Variants in ZNF565 observed in about 807,000 individuals in gnomAD.
ZNF565 encodes the protein zinc finger protein 565.
In ZNF565, 27 loss-of-function variants were observed where a neutral mutation model predicts 39.4. That is an observed-to-expected ratio of 0.69 (90% confidence interval 0.51 to 0.95). The LOEUF is 0.95. ZNF565 is among the 40% of genes least tolerant of loss of function. The pLI is 0.00. For synonymous variants in ZNF565, 185 were observed against 216.6 expected (o/e 0.85, Z 1.28); for missense variants, 524 against 621.1 (o/e 0.84, Z 1.66).
At position 36,228,817 on chromosome 19, in the gene ZNF565, C is replaced by T. The variant is rs117032967; in HGVS notation, c.55+16659G>A. The stretch of plus-strand genomic sequence containing the variant: ...GAGAAAGAAGTGGGAAGGATCTGCG[C>T]GGGTGAGTAAATGACAGGCAGGCCA... On this transcript the variant is annotated intron_variant, in intron 1 of 4. Coordinates refer to the ZNF565 transcript ENST00000355114. 0.013 allele frequency: 1,910 copies of T among 152,288 alleles called. 27 individuals carry two copies. Among genetic ancestry groups the T allele is most frequent in the Non-Finnish European group, 0.018 (1,239 of 68,098 alleles). 9.4% of individuals were successfully genotyped at this position (152,288 alleles called of 1,614,324 possible).
At chr19:36,190,169 T>C (rs1253886889) in intron 4 of ZNF565, among the ~76,000 whole-genome samples, 1 of 151,820 alleles carries the variant, frequency 6.6e-6, no homozygotes, top group Non-Finnish European at 1.5e-5. Context: ...TTAACTTTGC[T>C]AAAAAAAATA....
intron 1 of ZNF565, among the ~76,000 whole-genome samples, chr19:36,221,072 C>A (rs993586055): frequency 6.6e-6 from 1 of 151,748 alleles, no homozygotes; most frequent in African/African-American, 2.4e-5. Flanking sequence ...AGGCTGGTCT[C>A]GAACTCCTGA....
intron 1 of ZNF565, among the ~76,000 whole-genome samples, chr19:36,209,414 G>C (rs1329809914): frequency 2.6e-5 from 4 of 152,158 alleles, no homozygotes; most frequent in Non-Finnish European, 5.9e-5. Flanking sequence ...AAAATTGCTT[G>C]AACCCGAGAG....
chr19:36,191,359 C>T (rs1975535851), intron 4 of ZNF565, among the ~76,000 whole-genome samples: 1 of 146,592 alleles, frequency 6.8e-6, no homozygotes, highest in Non-Finnish European at 1.5e-5. Flanking sequence ...ACTCCTGTTG[C>T]CCAGGCTGGA....
At chr19:36,236,938 C>T (rs1315493455) in intron 1 of ZNF565, 1 of 1,614,034 alleles carries the variant, frequency 6.2e-7, no homozygotes, top group South Asian at 1.1e-5. Flanking sequence ...CAGCCTTTGG[C>T]CAGAAGAAGT....
chr19:36,201,884 G>A lies in ZNF565; in HGVS notation c.9+93C>T, dbSNP rs1975976851. On this transcript the variant is annotated intron_variant, in intron 2 of 4. Coordinates refer to ENST00000304116, the MANE Select transcript of ZNF565 (RefSeq NM_152477.5). ...TCCTGGAATGGACCAACTGTGAGAA[G>A]GATACAGGGAAGTTCCAGGATAAAG... The A allele has an allele frequency of 6.9e-6, 10 of 1,457,124 alleles. No homozygotes were observed. In the Middle Eastern group the frequency reaches 5.3e-4, roughly 77 times the overall value. 90.3% of individuals were successfully genotyped at this position (1,457,124 alleles called of 1,614,324 possible). A position where few individuals can be genotyped will look rare whatever the true frequency, so the allele number is the denominator to read the frequency against.
chr19:36,244,931 C>G (rs2029882623), intron 1 of ZNF565, among the ~76,000 whole-genome samples: 1 of 151,468 alleles, frequency 6.6e-6, no homozygotes, highest in Admixed American at 6.6e-5. Flanking sequence ...GGTTGGTACT[C>G]GATAGGCTTG....
intron 1 of ZNF565, among the ~76,000 whole-genome samples, chr19:36,213,844 T>C (rs894810549): frequency 1.3e-5 from 2 of 151,918 alleles, no homozygotes; most frequent in Non-Finnish European, 2.9e-5. Context: ...GACACCTCTA[T>C]ACCTTTCCAG....
intron 1 of ZNF565, among the ~76,000 whole-genome samples, chr19:36,208,124 G>A (rs962194784): frequency 2.0e-5 from 3 of 151,954 alleles, no homozygotes; most frequent in Non-Finnish European, 2.9e-5. Flanking sequence ...AGAGCTGTCC[G>A]ATTCCAGCTC....
intron 4 of ZNF565, among the ~76,000 whole-genome samples, chr19:36,188,925 G>T (rs777566577): frequency 2.6e-5 from 4 of 152,100 alleles, no homozygotes; most frequent in Non-Finnish European, 4.4e-5. Flanking sequence ...AAATAAGCCA[G>T]ATACAAAAGG....
rs185372488 is a variant in ZNF565, at chr19:36,223,598, C to T, written c.56-21548G>A. Among the ~76,000 whole-genome samples, 469 of 152,084 alleles carry T rather than the reference C, an allele frequency of 3.1e-3. 1 individual carries two copies. The highest frequency in any genetic ancestry group is 4.7e-3 in the Non-Finnish European group (321 of 67,964). ...CAGGATGGTCTCGATCTCCTGACCT[C>T]GTGATCCGCCCGCCTCGGCCCTCCA... is the stretch of plus-strand genomic sequence containing the variant. On this transcript the variant is annotated intron_variant, in intron 1 of 4. Coordinates refer to the ZNF565 transcript ENST00000355114.
At chr19:36,193,695 C>A (rs899127450) in intron 4 of ZNF565, among the ~76,000 whole-genome samples, 36 of 152,148 alleles carry the variant, frequency 2.4e-4, no homozygotes, top group African/African-American at 8.0e-4. Flanking sequence ...CCCGCCTTGG[C>A]CTTCCAAAGT....
At chr19:36,184,581 C>T (rs1382935638) in intron 4 of ZNF565, among the ~76,000 whole-genome samples, 1 of 151,920 alleles carries the variant, frequency 6.6e-6, no homozygotes, top group Admixed American at 6.6e-5. Context: ...ATTTTTATCA[C>T]TCCAAATAGA....
intron 1 of ZNF565, among the ~76,000 whole-genome samples, chr19:36,239,902 A>G (rs1165789100): frequency 6.6e-6 from 1 of 152,244 alleles, no homozygotes; most frequent in East Asian, 1.9e-4. Context: ...GTGAATGTCA[A>G]TAATATACAG....
intron 4 of ZNF565, 113 bp from the exon 5 acceptor site, chr19:36,183,846 G>T: frequency 1.1e-6 from 1 of 915,910 alleles, no homozygotes. Flanking sequence ...CAGCACTTTG[G>T]GAGGCTGAGG....
At chr19:36,244,160 G>T (rs906915906) in intron 1 of ZNF565, among the ~76,000 whole-genome samples, 1 of 152,182 alleles carries the variant, frequency 6.6e-6, no homozygotes, top group East Asian at 1.9e-4. Flanking sequence ...GGGGCAGGGG[G>T]TGTCCTCTCT....
chr19:36,205,373 C>T (rs1232354317), intron 1 of ZNF565, among the ~76,000 whole-genome samples: 1 of 151,972 alleles, frequency 6.6e-6, no homozygotes, highest in African/African-American at 2.4e-5. Context: ...ACTAAAAATA[C>T]AAAAATTAGC....
At chr19:36,234,183 A>G (rs1042235170) in intron 1 of ZNF565, among the ~76,000 whole-genome samples, 1 of 152,196 alleles carries the variant, frequency 6.6e-6, no homozygotes, top group South Asian at 2.1e-4. Flanking sequence ...CACATGTTTC[A>G]GTGAGCACAG....
chr19:36,195,029 C>T lies in ZNF565; in HGVS notation c.136+1G>A. The T allele has an allele frequency of 6.2e-7, 1 of 1,614,116 alleles. No individual in the cohort carries two copies. The highest frequency in any genetic ancestry group is 8.5e-7 in the Non-Finnish European group (1 of 1,180,020). ...TGGCCCGTGTGATACAATCTCCTTA[C>T]CTAGTGAGGCCAAGTGACCAAAGTT... is the stretch of plus-strand genomic sequence containing the variant. On this transcript the variant is annotated splice_donor_variant, in intron 3 of 4. Coordinates refer to ENST00000304116, the MANE Select transcript of ZNF565 (RefSeq NM_152477.5). LOFTEE classifies it high-confidence loss of function.
Sources: allele counts gnomAD v4.1 joint callset (sites outside exome capture counted in the v4.1 genomes callset), GRCh38; gene constraint gnomAD v4.1.1; transcripts MANE v1.5; gene names NCBI Gene and HGNC (gene_info 2026-07-23, HGNC 2026-07-21).